The following ATRNL1 variants were observed in gnomAD, a reference collection of about 807,000 sequenced individuals.
ATRNL1 encodes attractin-like protein 1.
ATRNL1 carries 95 observed loss-of-function variants against 182.7 expected under a neutral mutation model. The observed-to-expected ratio is 0.52, with a 90% CI of 0.44 to 0.62. The LOEUF (loss-of-function observed/expected upper bound fraction) is 0.62. Among genes scored for constraint, ATRNL1 ranks in the 20% least tolerant of loss-of-function variants. The pLI, the probability that ATRNL1 is intolerant of heterozygous loss-of-function variation, is 0.00. For synonymous variants in ATRNL1, 576 were observed against 568.3 expected (o/e 1.01, Z -0.19); for missense variants, 1,471 against 1,679.5 (o/e 0.88, Z 2.17).
At chr10:115,141,680 A>G (rs1372268179) in intron 5 of ATRNL1, among the ~76,000 whole-genome samples, 1 of 152,196 alleles carries the variant, frequency 6.6e-6, no homozygotes, top group African/African-American at 2.4e-5. Context: ...AAATTCATAA[A>G]GTAGCTTACA....
At chr10:115,230,622 G>A (rs1449835626) in intron 9 of ATRNL1, among the ~76,000 whole-genome samples, 1 of 152,158 alleles carries the variant, frequency 6.6e-6, no homozygotes, top group Non-Finnish European at 1.5e-5. Context: ...GAACAGATAT[G>A]TGACTTATCT....
chr10:115,666,359 G>A (rs1260310440), intron 26 of ATRNL1, among the ~76,000 whole-genome samples: 2 of 152,052 alleles, frequency 1.3e-5, no homozygotes, highest in African/African-American at 4.8e-5. Context: ...GTTTGTTTAT[G>A]CTTTTACTCT....
In ATRNL1 at chr10:115,157,951, A is replaced by T. The variant is rs150614691; in HGVS notation, c.830-2089A>T. ...GTGTTCTCTATCAAACTCTTTTCCA[A>T]GTAATACCCACATATTACTTGGCTG... On this transcript the variant is annotated intron_variant, in intron 5 of 28. Transcript: ENST00000355044. Among the ~76,000 whole-genome samples the T allele has an allele frequency of 1.4e-4, 22 of 152,150 alleles. No homozygotes were observed. The East Asian group carries it at 3.7e-3, about 25-fold the overall frequency.
rs1200849472 is a variant in ATRNL1, at chr10:115,394,769, T to C, written c.3269+17T>C. The C allele has an allele frequency of 1.3e-6, 2 of 1,540,100 alleles. No individual in the cohort carries two copies. Among genetic ancestry groups the C allele is most frequent in the East Asian group, 4.7e-5 (2 of 42,958 alleles). On this transcript the variant is annotated intron_variant, in intron 20 of 28. Transcript: ENST00000355044. ...ATGCCAATTGTAAGTAAGAATGACT[T>C]TTTAGAACTTTCGTGGATTGAATTT...
At chr10:115,255,208 C>G (rs1851065737) in intron 10 of ATRNL1, among the ~76,000 whole-genome samples, 1 of 152,160 alleles carries the variant, frequency 6.6e-6, no homozygotes, top group South Asian at 2.1e-4. Flanking sequence ...GGCATTGAAT[C>G]TATAAATTAC....
At chr10:115,829,606 T>C (rs941150143) in intron 27 of ATRNL1, among the ~76,000 whole-genome samples, 8 of 152,066 alleles carry the variant, frequency 5.3e-5, no homozygotes, top group Admixed American at 4.6e-4. Context: ...CTTCCTGAGC[T>C]AGCATATACT....
chr10:115,320,704 C>T (rs782017045), intron 18 of ATRNL1, among the ~76,000 whole-genome samples: 1 of 152,024 alleles, frequency 6.6e-6, no homozygotes, highest in Non-Finnish European at 1.5e-5. Flanking sequence ...CTTGTGTTTG[C>T]TTCATGAAGT....
At chr10:115,689,475 T>C (rs965576233) in intron 26 of ATRNL1, among the ~76,000 whole-genome samples, 64 of 152,316 alleles carry the variant, frequency 4.2e-4, no homozygotes, top group African/African-American at 1.5e-3. Flanking sequence ...TCATTTTCAT[T>C]TGCTTAAAGA....
At chr10:115,417,679 G>A (rs1845459307) in intron 20 of ATRNL1, among the ~76,000 whole-genome samples, 1 of 152,148 alleles carries the variant, frequency 6.6e-6, no homozygotes, top group African/African-American at 2.4e-5. Flanking sequence ...GACCTCCTGG[G>A]AGGCATGATT....
Position 115,582,904 on chromosome 10 carries a change from T to C in ATRNL1, c.3795+33368T>C, listed in dbSNP as rs542437170. On this transcript the variant is annotated intron_variant, in intron 26 of 28. Transcript: ENST00000355044. ...GTCTAACGTTTAAGTCTTTAATCCA[T>C]CTTGAATTGATTTTTGTATAAGGTG... Among the ~76,000 whole-genome samples, 8 of 150,590 alleles carry C rather than the reference T, an allele frequency of 5.3e-5. 1 individual carries two copies. In the South Asian group the frequency reaches 1.7e-3, roughly 32 times the overall value.
intron 27 of ATRNL1, among the ~76,000 whole-genome samples, chr10:115,758,207 G>A (rs1555072582): frequency 6.6e-6 from 1 of 151,862 alleles, no homozygotes; most frequent in African/African-American, 2.4e-5. Context: ...TCCTTTGCTG[G>A]CGAGAAGTTG....
chr10:115,838,788 G>A (rs1950738124), intron 27 of ATRNL1, among the ~76,000 whole-genome samples: 2 of 117,488 alleles, frequency 1.7e-5, no homozygotes, highest in Non-Finnish European at 4.0e-5. Flanking sequence ...AAGCAATTTC[G>A]CAGTATTTTT....
chr10:115,487,203 A>G (rs1849068617), intron 24 of ATRNL1, among the ~76,000 whole-genome samples: 1 of 152,172 alleles, frequency 6.6e-6, no homozygotes, highest in Admixed American at 6.5e-5. Flanking sequence ...TTTGCTTAGG[A>G]CTATCTGGGA....
intron 28 of ATRNL1, among the ~76,000 whole-genome samples, chr10:115,868,087 A>G (rs1460390107): frequency 1.3e-5 from 2 of 152,142 alleles, no homozygotes; most frequent in Non-Finnish European, 2.9e-5. Context: ...TTATACAAAC[A>G]TAGAGCTTAT....
intron 5 of ATRNL1, among the ~76,000 whole-genome samples, chr10:115,139,179 T>A (rs1014864312): frequency 6.6e-6 from 1 of 152,244 alleles, no homozygotes; most frequent in African/African-American, 2.4e-5. Context: ...GTCAAAGTCA[T>A]TCGACAAGTC....
At chr10:115,449,026 T>G (rs1198736901) in intron 21 of ATRNL1, among the ~76,000 whole-genome samples, 1 of 152,228 alleles carries the variant, frequency 6.6e-6, no homozygotes, top group Non-Finnish European at 1.5e-5. Context: ...GATACTCATA[T>G]GGACAGGAGG....
Position 115,394,850 on chromosome 10 carries a change from G to C in ATRNL1, c.3269+98G>C, listed in dbSNP as rs575116419. ...TTTTAATTTAGTGTTGTGCTAGTTA[G>C]GCATACCTTTATTACAATTTTTAAC... On this transcript the variant is annotated intron_variant, in intron 20 of 28. Transcript: ENST00000355044. 6.0e-5 allele frequency: 53 copies of C among 888,222 alleles called. No individual in the cohort carries two copies. In the African/African-American group the frequency reaches 7.9e-4, roughly 13 times the overall value. The allele number at this position is 888,222 out of a possible 1,614,324, so 55.0% of individuals were successfully genotyped here.
At chr10:115,262,892 A>G (rs1383297068) in intron 10 of ATRNL1, among the ~76,000 whole-genome samples, 7 of 151,978 alleles carry the variant, frequency 4.6e-5, no homozygotes, top group Non-Finnish European at 4.4e-5. Flanking sequence ...AAACAAGAGG[A>G]ACTGTTGTAC....
In ATRNL1 at chr10:115,165,619, T is replaced by C; in HGVS notation, c.1066T>C (p.Tyr356His). ...GTPSRGPLQRYGHSLALYQEN... is the reference protein window; with the variant it reads ...GTPSRGPLQRHGHSLALYQEN... ...TCCATCAAGGGGACCTCTCCAGAGA[T>C]ATGGACACTCTCTTGCTTTATATCA... The change falls in exon 7 of 29, where the codon TAT (tyrosine) becomes CAT (histidine). Residue 356 changes from tyrosine to histidine, a missense_variant. Tyr to His is a moderately conservative substitution (Grantham distance 83). This residue lies in a region of ATRNL1 where 1,031 missense variants were observed against 1,156.0 expected (regional missense o/e 0.89). Coordinates refer to ENST00000355044, the MANE Select transcript of ATRNL1 (RefSeq NM_207303.4). 1 of 1,540,516 alleles carries C rather than the reference T, an allele frequency of 6.5e-7. No individual in the cohort carries two copies. Among genetic ancestry groups the C allele is most frequent in the South Asian group, 1.3e-5 (1 of 77,766 alleles).
Sources: allele counts gnomAD v4.1 joint callset (sites outside exome capture counted in the v4.1 genomes callset), GRCh38; gene constraint gnomAD v4.1.1; regional missense constraint gnomAD v4.1.1; transcripts MANE v1.5; gene names NCBI Gene and HGNC (gene_info 2026-07-23, HGNC 2026-07-21).